The following RSPO2 variants were observed in gnomAD, a reference collection of about 807,000 sequenced individuals.
The protein encoded by RSPO2 is R-spondin 2.
RSPO2 carries 14 observed loss-of-function variants against 30.9 expected under a neutral mutation model. That is an observed-to-expected ratio of 0.45 (90% CI 0.30 to 0.71). The LOEUF (loss-of-function observed/expected upper bound fraction) is 0.71, where lower values mean the gene tolerates loss of function less well. RSPO2 is among the 30% of genes least tolerant of loss of function. RSPO2 has a pLI of 0.08. For synonymous variants in RSPO2, 107 were observed against 96.4 expected (o/e 1.11, Z -0.64); for missense variants, 264 against 301.9 (o/e 0.87, Z 0.93).
intron 3 of RSPO2, among the ~76,000 whole-genome samples, chr8:107,976,605 T>C (rs1814220682): frequency 1.3e-5 from 2 of 152,196 alleles, no homozygotes; most frequent in South Asian, 4.1e-4. Flanking sequence ...AGCAATGATC[T>C]CACAGTCTCT....
At chr8:107,933,627 T>C (rs933803311) in intron 5 of RSPO2, among the ~76,000 whole-genome samples, 1 of 152,180 alleles carries the variant, frequency 6.6e-6, no homozygotes, top group Non-Finnish European at 1.5e-5. Flanking sequence ...TTAAAGCAAT[T>C]TTTCAAAAAC....
chr8:107,993,065 AC>A (rs2130535554), intron 2 of RSPO2, among the ~76,000 whole-genome samples: 1 of 151,472 alleles, frequency 6.6e-6, no homozygotes, highest in Non-Finnish European at 1.5e-5. Context: ...CATGTAAAAA[AC>A]ATATAATGAT....
At chr8:107,973,194 C>T (rs576012061) in intron 3 of RSPO2, among the ~76,000 whole-genome samples, 7 of 151,088 alleles carry the variant, frequency 4.6e-5, no homozygotes, top group East Asian at 3.9e-4. Context: ...GGCGTGAACC[C>T]GGGAGGCAGA....
Position 107,950,431 on chromosome 8 carries a change from G to A in RSPO2, c.616+7649C>T, listed in dbSNP as rs571508299. Among the ~76,000 whole-genome samples the A allele has an allele frequency of 7.3e-5, 11 of 151,138 alleles. No homozygotes were observed. The East Asian group carries it at 1.7e-3, about 24-fold the overall frequency. ...AAATAGCTTATTTTTTCTTTTATTCGGGCCTGAGCTCTTATTCTAATTTAA... is the reference window on the plus strand; with the variant it reads ...AAATAGCTTATTTTTTCTTTTATTCAGGCCTGAGCTCTTATTCTAATTTAA... On this transcript the variant is annotated intron_variant, in intron 5 of 5. Transcript: ENST00000276659.
chr8:108,041,285 A>G (rs1811750758), intron 2 of RSPO2, among the ~76,000 whole-genome samples: 2 of 151,936 alleles, frequency 1.3e-5, no homozygotes, highest in Admixed American at 1.3e-4. Context: ...AAGAATGGTA[A>G]GAGCAAATAT....
At chr8:108,036,992 C>T (rs913198266) in intron 2 of RSPO2, among the ~76,000 whole-genome samples, 2 of 152,298 alleles carry the variant, frequency 1.3e-5, no homozygotes, top group Middle Eastern at 3.4e-3. Context: ...CTCTCACTCT[C>T]TCCTCAGGCC....
chr8:108,003,210 C>T (rs1815306582), intron 2 of RSPO2, among the ~76,000 whole-genome samples: 1 of 144,322 alleles, frequency 6.9e-6, no homozygotes, highest in African/African-American at 2.6e-5. Flanking sequence ...CACCATCACA[C>T]CTGGCTAATT....
At chr8:108,051,403 C>CA (rs1225721593) in intron 2 of RSPO2, among the ~76,000 whole-genome samples, 2 of 152,002 alleles carry the variant, frequency 1.3e-5, no homozygotes, top group African/African-American at 2.4e-5. Flanking sequence ...AAAACGGCTA[C>CA]AAAAAATGTT....
chr8:107,961,509 C>T (rs1813625716), intron 3 of RSPO2, among the ~76,000 whole-genome samples: 1 of 152,168 alleles, frequency 6.6e-6, no homozygotes, highest in Non-Finnish European at 1.5e-5. Context: ...GCCACCAAAA[C>T]CATCTGCCTT....
intron 2 of RSPO2, among the ~76,000 whole-genome samples, chr8:107,996,166 A>G (rs1815016191): frequency 6.6e-6 from 1 of 152,158 alleles, no homozygotes; most frequent in African/African-American, 2.4e-5. Context: ...GGGAATACTG[A>G]CAGGCTGTGT....
chr8:108,079,107 T>C (rs1335427133), intron 2 of RSPO2, among the ~76,000 whole-genome samples: 1 of 152,030 alleles, frequency 6.6e-6, no homozygotes. Flanking sequence ...CCAAGACAGA[T>C]AGTAGGGGTT....
intron 3 of RSPO2, among the ~76,000 whole-genome samples, chr8:107,974,454 C>CA (rs905881075): frequency 6.6e-6 from 1 of 152,146 alleles, no homozygotes; most frequent in African/African-American, 2.4e-5. Flanking sequence ...GTCGAGGCTA[C>CA]AGTGAGCTGA....
chr8:108,072,769 A>C (rs11783928), intron 2 of RSPO2, among the ~76,000 whole-genome samples: 16 of 151,948 alleles, frequency 1.1e-4, no homozygotes, highest in African/African-American at 3.6e-4. Flanking sequence ...TGGATTTTCA[A>C]AATATTAGAC....
At chr8:108,036,394 C>G in intron 2 of RSPO2, among the ~76,000 whole-genome samples, 1 of 152,184 alleles carries the variant, frequency 6.6e-6, no homozygotes, top group East Asian at 1.9e-4. Flanking sequence ...AAAAGATCCT[C>G]TCTGCCCCCT....
At chr8:108,016,566 A>C (rs1393350398) in intron 2 of RSPO2, among the ~76,000 whole-genome samples, 3 of 152,252 alleles carry the variant, frequency 2.0e-5, no homozygotes, top group Non-Finnish European at 2.9e-5. Context: ...CAGAGAAAAC[A>C]ATAACTATAT....
chr8:107,901,458 A>G (rs1811460751), intron 5 of RSPO2, among the ~76,000 whole-genome samples: 1 of 152,240 alleles, frequency 6.6e-6, no homozygotes. Context: ...CGTCTTTCAA[A>G]TATCATCCTG....
chr8:108,005,258 G>A (rs1815413802), intron 2 of RSPO2, among the ~76,000 whole-genome samples: 1 of 152,110 alleles, frequency 6.6e-6, no homozygotes, highest in Admixed American at 6.5e-5. Context: ...GGTTAAGGTG[G>A]TGTCTGCTAG....
intron 2 of RSPO2, among the ~76,000 whole-genome samples, chr8:108,010,558 G>A (rs373324569): frequency 6.6e-6 from 1 of 152,142 alleles, no homozygotes; most frequent in Non-Finnish European, 1.5e-5. Flanking sequence ...CTTAGAGAGC[G>A]AGCAAGAAGA....
chr8:107,906,076 G>GCA (rs1490792982), intron 5 of RSPO2, among the ~76,000 whole-genome samples: 2 of 151,900 alleles, frequency 1.3e-5, no homozygotes, highest in Non-Finnish European at 2.9e-5. Context: ...GCAACAGGAT[G>GCA]CATTGAGAAT....
Sources: allele counts gnomAD v4.1 joint callset (sites outside exome capture counted in the v4.1 genomes callset), GRCh38; gene constraint gnomAD v4.1.1; transcripts MANE v1.5; gene names NCBI Gene and HGNC (gene_info 2026-07-23, HGNC 2026-07-21).